The following DTD1 variants were observed in gnomAD, a reference collection of about 807,000 sequenced individuals.
DTD1 encodes the protein D-tyrosyl-tRNA deacylase 1 homolog.
A neutral mutation model predicts 25.6 loss-of-function variants in DTD1; 13 were observed. The observed-to-expected ratio is 0.51, with a 90% confidence interval of 0.33 to 0.81. The LOEUF (loss-of-function observed/expected upper bound fraction) is 0.81. DTD1 is among the 30% of genes least tolerant of loss of function. The probability of loss-of-function intolerance (pLI) is 0.02; values close to 1 mark genes in which losing one functional copy is unlikely to be tolerated. For missense variants in DTD1, 193 were observed against 266.4 expected, an observed-to-expected ratio of 0.72 and a Z score of 1.92; for synonymous variants, 110 against 103.6, an observed-to-expected ratio of 1.06 and a Z score of -0.37.
chr20:18,629,188 G>T, intron 4 of DTD1, among the ~76,000 whole-genome samples: 1 of 151,294 alleles, frequency 6.6e-6, no homozygotes, highest in East Asian at 1.9e-4. Flanking sequence ...TAGAGACGGG[G>T]TTTCTCCATG....
intron 4 of DTD1, chr20:18,630,463 C>T (rs559036045): frequency 6.6e-6 from 1 of 152,118 alleles, no homozygotes; most frequent in African/African-American, 2.4e-5. Flanking sequence ...GGGTTCATGC[C>T]ATTCTTCGGC....
At chr20:18,686,120 A>C (rs924667509) in intron 4 of DTD1, among the ~76,000 whole-genome samples, 1 of 152,236 alleles carries the variant, frequency 6.6e-6, no homozygotes, top group Admixed American at 6.5e-5. Flanking sequence ...TGAGACACAC[A>C]TTTACAGAAA....
intron 4 of DTD1, among the ~76,000 whole-genome samples, chr20:18,687,623 T>C (rs764001122): frequency 3.9e-5 from 6 of 152,176 alleles, no homozygotes; most frequent in Non-Finnish European, 7.3e-5. Context: ...GGCATAAGCA[T>C]GGCTCACTGC....
chr20:18,620,174 A>AT (rs2060727976), intron 3 of DTD1: 1 of 152,084 alleles, frequency 6.6e-6, no homozygotes, highest in Non-Finnish European at 1.5e-5. Context: ...TTAAATGTTT[A>AT]TTTTTTCATA....
Position 18,753,503 on chromosome 20 carries a change from G to A in DTD1, c.*19+9232G>A, listed in dbSNP as rs989789546. ...TACGCCTGTAATCCTAGCTACTCAGGAGGCTGAGACAGGAGAATCGCTTGA... is the reference window on the plus strand; with the variant it reads ...TACGCCTGTAATCCTAGCTACTCAGAAGGCTGAGACAGGAGAATCGCTTGA... On this transcript the variant is annotated intron_variant, in intron 5 of 5. Transcript: ENST00000377452. Among the ~76,000 whole-genome samples, 4 of 149,956 alleles carry A rather than the reference G, an allele frequency of 2.7e-5. No individual in the cohort carries two copies. The Admixed American group carries it at 2.7e-4, about 10-fold the overall frequency.
chr20:18,633,050 G>A (rs1178730166), intron 4 of DTD1, among the ~76,000 whole-genome samples: 1 of 152,208 alleles, frequency 6.6e-6, no homozygotes, highest in Non-Finnish European at 1.5e-5. Context: ...AGTGAAAGAG[G>A]TGGACAGCAT....
At chr20:18,742,618 T>G (rs2061282898) in intron 4 of DTD1, among the ~76,000 whole-genome samples, 1 of 152,208 alleles carries the variant, frequency 6.6e-6, no homozygotes, top group South Asian at 2.1e-4. Context: ...TGGAACAGTT[T>G]CATCCTGAAA....
intron 4 of DTD1, among the ~76,000 whole-genome samples, chr20:18,671,275 T>C (rs1394405922): frequency 1.3e-5 from 2 of 152,234 alleles, no homozygotes; most frequent in Non-Finnish European, 2.9e-5. Context: ...ATTGAGAACA[T>C]TTCAATGAAA....
chr20:18,739,417 G>A (rs1415825303), intron 4 of DTD1, among the ~76,000 whole-genome samples: 1 of 152,172 alleles, frequency 6.6e-6, no homozygotes, highest in African/African-American at 2.4e-5. Flanking sequence ...GCTGACCACA[G>A]GATCATCACC....
chr20:18,638,626 C>T (rs11906415), intron 4 of DTD1, among the ~76,000 whole-genome samples: 22 of 152,248 alleles, frequency 1.4e-4, no homozygotes, highest in African/African-American at 5.3e-4. Context: ...AGGGGCAGAA[C>T]CTGAGGCCAG....
At chr20:18,761,721 G>A (rs1394134762) in intron 5 of DTD1, among the ~76,000 whole-genome samples, 1 of 152,218 alleles carries the variant, frequency 6.6e-6, no homozygotes, top group East Asian at 1.9e-4. Flanking sequence ...GTGCCAAGAA[G>A]ATGGAGTTTC....
intron 4 of DTD1, among the ~76,000 whole-genome samples, chr20:18,662,428 G>T (rs1000907256): frequency 2.6e-5 from 4 of 152,020 alleles, no homozygotes; most frequent in Non-Finnish European, 5.9e-5. Flanking sequence ...GCTGGGGGTG[G>T]GGGGGAGAGT....
At chr20:18,638,184 CA>C (rs2060814988) in intron 4 of DTD1, among the ~76,000 whole-genome samples, 2 of 36,156 alleles carry the variant, frequency 5.5e-5, no homozygotes, top group African/African-American at 1.8e-4. Context: ...TCCATCCATC[CA>C]TCCATCCATC....
chr20:18,675,764 GTATATTTACACACATATATA>G, intron 4 of DTD1: 2 of 151,100 alleles, frequency 1.3e-5, no homozygotes, highest in African/African-American at 2.4e-5. Context: ...ATACCTATGT[GTATATTTACACACATATATA>G]TGTGTAAATA....
intron 5 of DTD1, among the ~76,000 whole-genome samples, chr20:18,745,698 G>T (rs1447266978): frequency 6.6e-6 from 1 of 152,136 alleles, no homozygotes; most frequent in Non-Finnish European, 1.5e-5. Context: ...GCAGAAGGGT[G>T]GGAGTGTTGA....
At chr20:18,643,300 A>G (rs2060837327) in intron 4 of DTD1, 2 of 332,546 alleles carry the variant, frequency 6.0e-6, no homozygotes, top group South Asian at 2.8e-5. Flanking sequence ...GAGAGTGCGT[A>G]GTTGAGAGGT....
chr20:18,623,105 A>G (rs976239398), intron 3 of DTD1, among the ~76,000 whole-genome samples: 4 of 151,752 alleles, frequency 2.6e-5, no homozygotes, highest in Non-Finnish European at 5.9e-5. Flanking sequence ...ATGCCCAGCT[A>G]ATTTTTTGTA....
chr20:18,589,377 A>C, intron 1 of DTD1, among the ~76,000 whole-genome samples: 1 of 96,124 alleles, frequency 1.0e-5, no homozygotes, highest in East Asian at 2.9e-4. Flanking sequence ...ACAAAACCCC[A>C]AAACAAAAAA....
intron 4 of DTD1, among the ~76,000 whole-genome samples, chr20:18,679,205 T>C (rs1220380369): frequency 6.6e-6 from 1 of 152,240 alleles, no homozygotes; most frequent in Non-Finnish European, 1.5e-5. Context: ...AAAGGCCTGT[T>C]GGCCTGACAA....
Sources: allele counts gnomAD v4.1 joint callset (sites outside exome capture counted in the v4.1 genomes callset), GRCh38; gene constraint gnomAD v4.1.1; transcripts MANE v1.5; gene names NCBI Gene and HGNC (gene_info 2026-07-23, HGNC 2026-07-21).